PLCL2: variants seen among roughly 807,000 people sequenced by gnomAD.
PLCL2 encodes the protein phospholipase C like 2, also known as inactive phospholipase C-like protein 2.
Under a neutral mutation model 79.6 loss-of-function variants are expected in PLCL2, and 4 were observed. That is an observed-to-expected ratio of 0.05 (90% CI 0.02 to 0.11). The LOEUF (loss-of-function observed/expected upper bound fraction) is 0.11, where lower values mean the gene tolerates loss of function less well. Among genes scored for constraint, PLCL2 ranks in the 10% least tolerant of loss-of-function variants. The pLI is 1.00. For synonymous variants in PLCL2, 484 were observed against 457.7 expected (o/e 1.06, Z -0.73); for missense variants, 895 against 1,291.0 (o/e 0.69, Z 4.70).
chr3:17,019,215 C>T (rs1027519828), intron 3 of PLCL2, among the ~76,000 whole-genome samples: 3 of 152,122 alleles, frequency 2.0e-5, no homozygotes, highest in Admixed American at 6.6e-5. Flanking sequence ...AACATGCTCA[C>T]AGGTGAAATA....
chr3:17,035,296 G>A (rs1176655109), intron 3 of PLCL2, among the ~76,000 whole-genome samples: 1 of 152,130 alleles, frequency 6.6e-6, no homozygotes, highest in African/African-American at 2.4e-5. Flanking sequence ...TGTGGGGTGT[G>A]TAACATGTTT....
intron 4 of PLCL2, among the ~76,000 whole-genome samples, chr3:17,064,787 C>T (rs765952265): frequency 7.9e-5 from 12 of 151,756 alleles, no homozygotes; most frequent in Admixed American, 3.9e-4. Context: ...AAATTAGCCA[C>T]GTGTGGTGGC....
chr3:16,976,488 A>T (rs1369284023), intron 1 of PLCL2, among the ~76,000 whole-genome samples: 2 of 152,222 alleles, frequency 1.3e-5, no homozygotes, highest in African/African-American at 4.8e-5. Context: ...ATGAGGTCCC[A>T]TCCACATTTA....
rs779277898 is a variant in PLCL2, at chr3:17,010,814, A to C, written c.1468A>C (p.Met490Leu). ...ACCTGTAATTTACACAGGCCACACC[A>C]TGACCTCTCAGATAGTTTTCCGCAG... ...NEPVIYTGHT[M>L]TSQIVFRSVI... Residue 490 changes from methionine (M) to leucine (L), a missense_variant, in exon 2 of 6, where the codon ATG becomes CTG. Met to Leu is a conservative substitution (Grantham distance 15). Coordinates refer to ENST00000615277, the MANE Select transcript of PLCL2 (RefSeq NM_001144382.2). The surrounding 1 kb of genome is among the most constrained non-coding windows in gnomAD (Gnocchi z 5.8). The C allele has an allele frequency of 2.2e-5, 35 of 1,614,064 alleles. No homozygotes were observed. The African/African-American group carries it at 3.2e-4, about 15-fold the overall frequency.
intron 1 of PLCL2, among the ~76,000 whole-genome samples, chr3:16,999,652 C>G (rs77798320): frequency 0.021 from 3,198 of 152,102 alleles, 55 homozygotes; most frequent in South Asian, 0.043. Flanking sequence ...CATCTTGTGG[C>G]GCATAGTATT....
chr3:16,992,170 A>G (rs962897216), intron 1 of PLCL2, among the ~76,000 whole-genome samples: 2 of 152,204 alleles, frequency 1.3e-5, no homozygotes, highest in Non-Finnish European at 2.9e-5. Flanking sequence ...ATACACATGC[A>G]TATGAACAGG....
chr3:17,063,232 C>CCCTCCCTCCCTCCCTCCCTGCCTT (rs2064970099), intron 4 of PLCL2, among the ~76,000 whole-genome samples: 1 of 85,024 alleles, frequency 1.2e-5, no homozygotes, highest in Non-Finnish European at 2.5e-5. Context: ...CTTCCTCCCT[C>CCCTCCCTCCCTCCCTCCCTGCCTT]CCTCCCTCCC....
intron 1 of PLCL2, among the ~76,000 whole-genome samples, chr3:16,916,566 T>C (rs1012915879): frequency 1.3e-5 from 2 of 152,140 alleles, no homozygotes; most frequent in African/African-American, 2.4e-5. Context: ...ACCCAGTATG[T>C]CAAAGAAAAT....
At chr3:16,967,698 C>G (rs2063821008) in intron 1 of PLCL2, among the ~76,000 whole-genome samples, 1 of 152,018 alleles carries the variant, frequency 6.6e-6, no homozygotes, top group Non-Finnish European at 1.5e-5. Flanking sequence ...AATATTTTCT[C>G]TCATTCTGTA....
At chr3:17,085,046 A>G (rs1213808191) in intron 5 of PLCL2, among the ~76,000 whole-genome samples, 3 of 152,218 alleles carry the variant, frequency 2.0e-5, no homozygotes, top group Admixed American at 6.5e-5. Flanking sequence ...AGAATTGACA[A>G]AAAAATCTCC....
At chr3:17,062,127 T>C (rs1330616590) in intron 4 of PLCL2, among the ~76,000 whole-genome samples, 1 of 152,154 alleles carries the variant, frequency 6.6e-6, no homozygotes, top group Non-Finnish European at 1.5e-5. Flanking sequence ...TCAAAGACAA[T>C]CATTTTGTTG....
intron 1 of PLCL2, among the ~76,000 whole-genome samples, chr3:16,957,399 T>G (rs941440679): frequency 3.9e-5 from 6 of 152,220 alleles, no homozygotes; most frequent in African/African-American, 1.4e-4. Context: ...AGAGACAGTT[T>G]GTTATAATTT....
chr3:17,051,543 GA>G (rs74359955), intron 4 of PLCL2, among the ~76,000 whole-genome samples: 2,999 of 149,190 alleles, frequency 0.02, 107 homozygotes, highest in East Asian at 0.19. Flanking sequence ...GTTCTGGGGG[GA>G]AAAAAAAGTC....
intron 1 of PLCL2, among the ~76,000 whole-genome samples, chr3:16,965,376 C>A (rs1488365417): frequency 1.3e-5 from 2 of 152,056 alleles, no homozygotes; most frequent in Non-Finnish European, 2.9e-5. Flanking sequence ...TTCCATTGGT[C>A]TATATGTCTG....
chr3:17,010,611 A>C lies in PLCL2; in HGVS notation c.1265A>C (p.Lys422Thr). Residue 422 changes from lysine (K) to threonine (T), a missense_variant, in exon 2 of 6, where the codon AAG becomes ACG. Lys to Thr is a moderately conservative substitution (Grantham distance 78). Around this residue, in one of 6 missense-constraint regions of PLCL2, gnomAD observed 242 missense variants for 399.5 expected, o/e 0.61. Coordinates refer to ENST00000615277, the MANE Select transcript of PLCL2 (RefSeq NM_001144382.2). This position sits in a 1 kb window ranked among gnomAD's most constrained non-coding sequence, Gnocchi z 5.8. Reference sequence around the variant, plus strand: ...TGTTATATATTCGATCCAGAACATAAGAAGGTCTGTCAGGATATGAAGCAA... The same window carrying C: ...TGTTATATATTCGATCCAGAACATACGAAGGTCTGTCAGGATATGAAGCAA... ...PDCYIFDPEH[K>T]KVCQDMKQPL... is the part of the protein sequence containing the mutation. The C allele has an allele frequency of 6.2e-7, 1 of 1,614,130 alleles. No homozygotes were observed. Among genetic ancestry groups the C allele is most frequent in the Non-Finnish European group, 8.5e-7 (1 of 1,179,970 alleles).
At chr3:17,033,274 G>A (rs1427345705) in intron 3 of PLCL2, among the ~76,000 whole-genome samples, 1 of 152,164 alleles carries the variant, frequency 6.6e-6, no homozygotes, top group Non-Finnish European at 1.5e-5. Flanking sequence ...ATAGCATTTG[G>A]CATCTGTTCT....
At chr3:16,926,915 C>G (rs1478835376) in intron 1 of PLCL2, among the ~76,000 whole-genome samples, 1 of 152,060 alleles carries the variant, frequency 6.6e-6, no homozygotes, top group Non-Finnish European at 1.5e-5. Flanking sequence ...AGATGTAAGC[C>G]ACCGCGCCCG....
At chr3:17,055,583 A>G (rs1233295520) in intron 4 of PLCL2, among the ~76,000 whole-genome samples, 2 of 152,204 alleles carry the variant, frequency 1.3e-5, no homozygotes, top group African/African-American at 4.8e-5. Context: ...GGATTCCCAC[A>G]TCAACTTTCA....
At chr3:16,989,601 G>A (rs949876023) in intron 1 of PLCL2, among the ~76,000 whole-genome samples, 2 of 151,586 alleles carry the variant, frequency 1.3e-5, no homozygotes, top group Non-Finnish European at 2.9e-5. Context: ...ATTTGTTAAT[G>A]TGACTAGTAG....
Sources: allele counts gnomAD v4.1 joint callset (sites outside exome capture counted in the v4.1 genomes callset), GRCh38; gene constraint gnomAD v4.1.1; regional missense constraint gnomAD v4.1.1; non-coding constraint Gnocchi (gnomAD v3.1); transcripts MANE v1.5; gene names NCBI Gene and HGNC (gene_info 2026-07-23, HGNC 2026-07-21).